Variants in BNC2 observed in about 807,000 individuals in gnomAD.
BNC2 encodes zinc finger protein basonuclin-2.
BNC2 carries 20 observed loss-of-function variants against 76.3 expected under a neutral mutation model. The ratio of observed to expected loss-of-function variants is 0.26; its 90% CI spans 0.18 to 0.38. BNC2 has a LOEUF of 0.38. Among genes scored for constraint, BNC2 ranks in the 10% least tolerant of loss-of-function variants. The probability of loss-of-function intolerance (pLI) is 1.00; values close to 1 mark genes in which losing one functional copy is unlikely to be tolerated. For missense variants in BNC2, 1,382 were observed against 1,399.8 expected, an observed-to-expected ratio of 0.99 and a Z score of 0.20; for synonymous variants, 582 against 514.8, an observed-to-expected ratio of 1.13 and a Z score of -1.77.
At chr9:16,609,089 C>G (rs16934852) in intron 3 of BNC2, among the ~76,000 whole-genome samples, 7,712 of 152,182 alleles carry the variant, frequency 0.051, 704 homozygotes, top group African/African-American at 0.17. Flanking sequence ...AAAGGGGATA[C>G]AGCAGGCTTG....
chr9:16,725,203 TAA>T (rs1824273680), intron 3 of BNC2, among the ~76,000 whole-genome samples: 1 of 110,854 alleles, frequency 9.0e-6, no homozygotes, highest in Middle Eastern at 4.3e-3. Flanking sequence ...ATAATTTCAA[TAA>T]GTCTCTCTCT....
At chr9:16,813,738 G>A (rs1818114680) in intron 1 of BNC2, among the ~76,000 whole-genome samples, 1 of 152,186 alleles carries the variant, frequency 6.6e-6, no homozygotes, top group Non-Finnish European at 1.5e-5. Context: ...TGGTTGAATT[G>A]TAGAAGAGGA....
chr9:16,766,492 C>T (rs1049517769), intron 1 of BNC2, among the ~76,000 whole-genome samples: 1 of 152,176 alleles, frequency 6.6e-6, no homozygotes, highest in African/African-American at 2.4e-5. Context: ...AGTTCCCACC[C>T]AGAACCACTT....
chr9:16,568,272 G>A (rs1270591188), intron 4 of BNC2, among the ~76,000 whole-genome samples: 2 of 152,088 alleles, frequency 1.3e-5, no homozygotes, highest in Non-Finnish European at 2.9e-5. Context: ...TACTTTAAGA[G>A]TTCTAAAAGT....
chr9:16,423,995 G>T (rs934412724), intron 6 of BNC2, among the ~76,000 whole-genome samples: 61 of 152,078 alleles, frequency 4.0e-4, no homozygotes, highest in South Asian at 2.1e-4. Context: ...ACTCTAACTG[G>T]ACTAAAGTGG....
intron 1 of BNC2, among the ~76,000 whole-genome samples, chr9:16,784,967 C>T (rs928999744): frequency 6.6e-6 from 1 of 152,098 alleles, no homozygotes; most frequent in Admixed American, 6.5e-5. Context: ...TTTTTAAGCC[C>T]GTGAGACCCA....
chr9:16,490,539 T>C (rs548002128), intron 5 of BNC2, among the ~76,000 whole-genome samples: 141 of 151,946 alleles, frequency 9.3e-4, no homozygotes, highest in African/African-American at 3.2e-3. Flanking sequence ...AATTTTAGAG[T>C]TTTCTCACTT....
chr9:16,729,740 T>C (rs959555819), intron 2 of BNC2, among the ~76,000 whole-genome samples: 16 of 152,160 alleles, frequency 1.1e-4, no homozygotes, highest in African/African-American at 3.6e-4. Flanking sequence ...ACAGTGACTG[T>C]ACCTTTAGTG....
intron 3 of BNC2, among the ~76,000 whole-genome samples, chr9:16,609,497 T>C (rs1820480156): frequency 6.6e-6 from 1 of 152,244 alleles, no homozygotes; most frequent in Non-Finnish European, 1.5e-5. Context: ...AAGCTAAATA[T>C]GAGCATATAG....
intron 3 of BNC2, chr9:16,705,042 T>G (rs1823625760): frequency 6.6e-6 from 1 of 152,224 alleles, no homozygotes; most frequent in African/African-American, 2.4e-5. Flanking sequence ...AGCGAAACCC[T>G]TCTAAGTGAC....
chr9:16,602,626 G>A (rs895330149), intron 3 of BNC2, among the ~76,000 whole-genome samples: 6 of 152,218 alleles, frequency 3.9e-5, no homozygotes, highest in Non-Finnish European at 8.8e-5. Flanking sequence ...CGAGAGCAAT[G>A]CCAATTAGTG....
chr9:16,750,894 A>C (rs1196071921), intron 1 of BNC2, among the ~76,000 whole-genome samples: 2 of 152,228 alleles, frequency 1.3e-5, no homozygotes, highest in Non-Finnish European at 1.5e-5. Flanking sequence ...GTAACACAGA[A>C]GTTTCTGGGC....
intron 5 of BNC2, among the ~76,000 whole-genome samples, chr9:16,481,696 G>A (rs10962443): frequency 0.012 from 1,833 of 152,206 alleles, 37 homozygotes; most frequent in African/African-American, 0.041. Flanking sequence ...ATTTCAATGA[G>A]TATTTTTTAA....
At chr9:16,746,189 G>A (rs571268961) in intron 1 of BNC2, among the ~76,000 whole-genome samples, 3 of 152,152 alleles carry the variant, frequency 2.0e-5, no homozygotes, top group African/African-American at 2.4e-5. Flanking sequence ...CCAGGAGGTT[G>A]ATAATCTAGT....
rs528992542 is a variant in BNC2, at chr9:16,471,856, G to A, written c.670-34332C>T. 7.2e-5 allele frequency among the ~76,000 whole-genome samples: 11 copies of A among 152,278 alleles called. No homozygotes were observed. The East Asian group carries it at 1.9e-3, about 27-fold the overall frequency. On this transcript the variant is annotated intron_variant, in intron 5 of 6. Transcript: ENST00000380672. ...TCCCACATGTTGTAGGAGGCACCGA[G>A]GGGGAGGTAACTGAATCATGGGGGC...
chr9:16,811,230 C>CAAAAAAAAAAAAAAAAA (rs58068661), intron 1 of BNC2, among the ~76,000 whole-genome samples: 17 of 97,540 alleles, frequency 1.7e-4, no homozygotes, highest in South Asian at 5.8e-4. Flanking sequence ...CTCAAAAGAC[C>CAAAAAAAAAAAAAAAAA]AAAAAAAAAA....
At chr9:16,637,528 C>T (rs541010755) in intron 3 of BNC2, among the ~76,000 whole-genome samples, 1 of 152,286 alleles carries the variant, frequency 6.6e-6, no homozygotes, top group African/African-American at 2.4e-5. Context: ...TAAATCACAA[C>T]AGTATATAAT....
At chr9:16,677,521 C>T (rs914881224) in intron 3 of BNC2, among the ~76,000 whole-genome samples, 2 of 151,476 alleles carry the variant, frequency 1.3e-5, no homozygotes, top group African/African-American at 2.4e-5. Flanking sequence ...TGCAGTGAGC[C>T]AAGATCGCGC....
chr9:16,828,684 G>C (rs973674630), intron 1 of BNC2, among the ~76,000 whole-genome samples: 6 of 152,156 alleles, frequency 3.9e-5, no homozygotes, highest in Non-Finnish European at 8.8e-5. Context: ...AGAAAGCAGG[G>C]TCACTAATTA....
Sources: gnomAD v4.1 joint callset for allele counts (sites outside exome capture counted in the v4.1 genomes callset) on GRCh38, gnomAD v4.1.1 for gene constraint, MANE v1.5 for transcripts, NCBI Gene and HGNC (gene_info 2026-07-23, HGNC 2026-07-21) for gene names.